Variants in PRRT4 observed in about 807,000 individuals in gnomAD.
PRRT4 encodes proline-rich transmembrane protein 4.
In PRRT4, 59 loss-of-function variants were observed where a neutral mutation model predicts 55.6. The ratio of observed to expected loss-of-function variants is 1.06; its 90% CI spans 0.86 to 1.32. PRRT4 has a LOEUF of 1.32. Among genes scored for constraint, PRRT4 ranks in the 40% most tolerant of loss-of-function variants. PRRT4 has a pLI of 0.00. For synonymous variants in PRRT4, 606 were observed against 601.8 expected, an observed-to-expected ratio of 1.01 and a Z score of -0.10; for missense variants, 1,217 against 1,222.0, an observed-to-expected ratio of 1.00 and a Z score of 0.06.
rs758204444 is a variant in PRRT4 at position 128,359,404 on chromosome 7, C to T, written c.588G>A (p.Thr196=). 15 of 1,465,560 alleles carry T rather than the reference C, an allele frequency of 1.0e-5. No individual in the cohort carries two copies. The Middle Eastern group carries it at 7.2e-4, about 70-fold the overall frequency. 90.8% of individuals were successfully genotyped at this position (1,465,560 alleles called of 1,614,324 possible). Residue 196 remains threonine, a synonymous_variant, in exon 2 of 5, where the codon ACG becomes ACA. Coordinates refer to ENST00000535159, the Ensembl canonical transcript of PRRT4. ...CCCGCAGGCTGGGCAGCAGGGGCAG[C>T]GTTCGATGCCCAAGCGTGGGGGCTG... is the stretch of plus-strand genomic sequence containing the variant.
chr7:128,356,793 T>C (rs1403168831), intron 4 of PRRT4, among the ~76,000 whole-genome samples: 1 of 152,244 alleles, frequency 6.6e-6, no homozygotes, highest in Non-Finnish European at 1.5e-5. Flanking sequence ...GTCTCCACTC[T>C]GGATGCTGGA....
intron 4 of PRRT4, among the ~76,000 whole-genome samples, chr7:128,354,154 T>C (rs969257084): frequency 6.6e-6 from 1 of 152,126 alleles, no homozygotes; most frequent in Non-Finnish European, 1.5e-5. Flanking sequence ...GGGTGCCTGA[T>C]AATCACCCAA....
rs182162917 is a variant in PRRT4, at chr7:128,358,870, A to T, written c.758-70T>A. On this transcript the variant is annotated intron_variant, in intron 3 of 4. Transcript: ENST00000535159. This position sits in a 1 kb window ranked among gnomAD's most constrained non-coding sequence, Gnocchi z 4.4. ...GCCTTGCCTCTGGGAGTTTGGAGAA[A>T]ATTATGTCCTTCCCCAGAGTTTGTC... The T allele has an allele frequency of 7.4e-5, 109 of 1,471,618 alleles. No individual in the cohort carries two copies. The African/African-American group carries it at 1.5e-3, about 20-fold the overall frequency. 91.2% of individuals were successfully genotyped at this position (1,471,618 alleles called of 1,614,324 possible).
exon 5 of PRRT4, chr7:128,351,982 C>T: frequency 7.8e-7 from 1 of 1,284,892 alleles, no homozygotes; most frequent in Non-Finnish European, 9.9e-7. Flanking sequence ...CGCCCCGGCC[C>T]GCCGCCGCCG....
In PRRT4 at chr7:128,352,167, G is replaced by T; in HGVS notation, c.1389C>A (p.Cys463Ter). 1 of 1,394,580 alleles carries T rather than the reference G, an allele frequency of 7.2e-7. No individual in the cohort carries two copies. The allele number at this position is 1,394,580 out of a possible 1,614,324, so 86.4% of individuals were successfully genotyped here. ...GCAGCAGCGCAGCCAGGCCGGTGGG[G>T]CACCGCGGCGGGCGCGGCCGGGCCA... Residue 463 changes from cysteine to a stop codon, truncating the protein, a stop_gained, in exon 5 of 5, where the codon TGC (cysteine) becomes TGA (stop). Coordinates refer to ENST00000535159, the Ensembl canonical transcript of PRRT4. LOFTEE classifies it high-confidence loss of function.
chr7:128,357,234 A>ACTCT, intron 4 of PRRT4, among the ~76,000 whole-genome samples: 1 of 122,224 alleles, frequency 8.2e-6, no homozygotes, highest in African/African-American at 3.3e-5. Flanking sequence ...ACACACACAC[A>ACTCT]CACTCTCTCT....
At chr7:128,351,736 C>T (rs1355281708) in exon 5 of PRRT4, 1 of 1,468,022 alleles carries the variant, frequency 6.8e-7, no homozygotes, top group Non-Finnish European at 8.9e-7. Context: ...GCCCACCTCG[C>T]CCAGGCGCAG....
chr7:128,352,119 G>GGCC (rs1348274449), exon 5 of PRRT4: 2 of 1,173,224 alleles, frequency 1.7e-6, no homozygotes, highest in African/African-American at 1.6e-5. Flanking sequence ...GGGCGGCGGC[G>GGCC]GCCGCCAGCC....
In PRRT4 at chr7:128,351,180, A is replaced by T; in HGVS notation, c.2376T>A (p.Pro792=). Residue 792 remains proline (P), a synonymous_variant, in exon 5 of 5, where the codon CCT becomes CCA. Transcript: ENST00000535159. ...CGCTGCTGCCTGCGGGCCAAGCCCC[A>T]GGGGAGGGGAGCTCCGGGGGCGCAG... is the stretch of plus-strand genomic sequence containing the variant. 7 of 1,543,664 alleles carry T rather than the reference A, an allele frequency of 4.5e-6. No homozygotes were observed. The African/African-American group carries it at 5.5e-5, about 12-fold the overall frequency.
exon 5 of PRRT4, chr7:128,351,940 G>C: frequency 7.7e-7 from 1 of 1,295,300 alleles, no homozygotes; most frequent in East Asian, 3.1e-5. Flanking sequence ...CGGCAGGGGT[G>C]TGGCGCCCTT....
chr7:128,361,942 G>A (rs966731961), upstream of PRRT4, among the ~76,000 whole-genome samples: 10 of 152,096 alleles, frequency 6.6e-5, no homozygotes, highest in Non-Finnish European at 1.5e-4. Context: ...CTCCCAGGGC[G>A]GCCCAGCACA....
rs1432819169 is a variant in PRRT4, at chr7:128,358,019, A to C, written c.877+662T>G. Reference sequence around the variant, plus strand: ...GCTAAGAGCTTTGCAATAACTAGCAAGTACTATTATTAAACCCTGGGTCTA... The same window carrying C: ...GCTAAGAGCTTTGCAATAACTAGCACGTACTATTATTAAACCCTGGGTCTA... On this transcript the variant is annotated intron_variant, in intron 4 of 4. Coordinates refer to ENST00000535159, the Ensembl canonical transcript of PRRT4. This position sits in a 1 kb window ranked among gnomAD's most constrained non-coding sequence, Gnocchi z 4.4. Among the ~76,000 whole-genome samples the C allele has an allele frequency of 2.0e-5, 3 of 152,222 alleles. No individual in the cohort carries two copies. The highest frequency in any genetic ancestry group is 4.8e-5 in the African/African-American group (2 of 41,446).
chr7:128,351,461 C>G (rs1168788869), exon 5 of PRRT4: 1 of 1,521,884 alleles, frequency 6.6e-7, no homozygotes, highest in East Asian at 2.5e-5. Context: ...GCCGCCGCGC[C>G]TTCGAAGCCC....
At chr7:128,354,650 A>G (rs1797076496) in intron 4 of PRRT4, among the ~76,000 whole-genome samples, 1 of 151,988 alleles carries the variant, frequency 6.6e-6, no homozygotes, top group Non-Finnish European at 1.5e-5. Context: ...CAAAAAACAT[A>G]AGAGTTCTGA....
At chr7:128,354,948 T>C (rs1007390980) in intron 4 of PRRT4, among the ~76,000 whole-genome samples, 1 of 152,218 alleles carries the variant, frequency 6.6e-6, no homozygotes, top group African/African-American at 2.4e-5. Flanking sequence ...TCAGTCAAGA[T>C]TGTGTCGTTA....
At chr7:128,351,128 A>G in exon 5 of PRRT4, 2 of 1,547,906 alleles carry the variant, frequency 1.3e-6, no homozygotes, top group Non-Finnish European at 1.7e-6. Flanking sequence ...CTGTCCCGCG[A>G]GAGTCCGCAG....
chr7:128,350,613 AC>A (rs1168445346), downstream of PRRT4: 25 of 591,074 alleles, frequency 4.2e-5, no homozygotes, highest in Admixed American at 2.2e-4. Context: ...GGAAAATGGG[AC>A]CCCTGCCAAC....
exon 2 of PRRT4, chr7:128,359,726 A>G (rs1797201068): frequency 1.3e-6 from 2 of 1,551,306 alleles, no homozygotes; most frequent in Non-Finnish European, 1.7e-6. Flanking sequence ...CCCACTGGCC[A>G]CCTCTTCCCC....
rs73458954 is a variant in PRRT4 at position 128,353,036 on chromosome 7, C to A, written c.878-358G>T. ...CCTTAGACACCCCCTCCAGTTCAAT[C>A]CCCCCACCAGAAAGGAAGCTTTATG... is the stretch of plus-strand genomic sequence containing the variant. On this transcript the variant is annotated intron_variant, in intron 4 of 4. Transcript: ENST00000535159. Among the ~76,000 whole-genome samples the A allele has an allele frequency of 7.5e-3, 1,140 of 151,826 alleles. 13 individuals are homozygous for A. Among genetic ancestry groups the A allele is most frequent in the African/African-American group, 0.026 (1,072 of 41,476 alleles).
Sources: gnomAD v4.1 joint callset for allele counts (sites outside exome capture counted in the v4.1 genomes callset) on GRCh38, gnomAD v4.1.1 for gene constraint, Gnocchi (gnomAD v3.1) non-coding constraint, MANE v1.5 for transcripts, NCBI Gene and HGNC (gene_info 2026-07-23, HGNC 2026-07-21) for gene names.